The following CSMD1 variants were observed in gnomAD, a reference collection of about 807,000 sequenced individuals.
CSMD1 encodes CUB and sushi domain-containing protein 1.
In CSMD1, 213 loss-of-function variants were observed where a neutral mutation model predicts 417.5. The observed-to-expected ratio is 0.51, with a 90% CI of 0.46 to 0.57. The LOEUF is 0.57. CSMD1 is among the 20% of genes least tolerant of loss of function. CSMD1 has a pLI of 0.00. For missense variants in CSMD1, 6,923 were observed against 4,529.7 expected (o/e 1.53, Z -15.17); for synonymous variants, 2,862 against 1,736.8 (o/e 1.65, Z -16.11).
intron 6 of CSMD1, among the ~76,000 whole-genome samples, chr8:3,722,485 T>C (rs1802241416): frequency 6.6e-6 from 1 of 152,146 alleles, no homozygotes; most frequent in Admixed American, 6.5e-5. Context: ...CTGAAACCAT[T>C]CTCTCCTGAA....
chr8:3,308,825 G>C (rs1292163381), intron 23 of CSMD1, among the ~76,000 whole-genome samples: 2 of 144,472 alleles, frequency 1.4e-5, no homozygotes, highest in Non-Finnish European at 3.0e-5. Context: ...CCAGGTTCAA[G>C]TGATTCTCCT....
In CSMD1 at chr8:3,125,370, C is replaced by T. The variant is rs115594968; in HGVS notation, c.6242-6783G>A. ...CAATCTGCTGTCAGAACCCTCATCA[C>T]GCATGGCCTTCTTGCTCTGTACCCA... On this transcript the variant is annotated intron_variant, in intron 41 of 69. Coordinates refer to ENST00000635120, the MANE Select transcript of CSMD1 (RefSeq NM_033225.6). Among the ~76,000 whole-genome samples the T allele has an allele frequency of 7.8e-3, 1,181 of 152,348 alleles. 15 individuals are homozygous for T. The highest frequency in any genetic ancestry group is 0.026 in the African/African-American group (1,095 of 41,590).
intron 26 of CSMD1, among the ~76,000 whole-genome samples, chr8:3,244,254 A>G (rs750544174): frequency 6.6e-6 from 1 of 152,066 alleles, no homozygotes; most frequent in African/African-American, 2.4e-5. Context: ...CTTTTCCTGT[A>G]TTTTGGAGGG....
intron 3 of CSMD1, among the ~76,000 whole-genome samples, chr8:4,197,860 C>A (rs191553009): frequency 1.3e-5 from 2 of 152,130 alleles, no homozygotes; most frequent in Non-Finnish European, 2.9e-5. Flanking sequence ...GCCTGGGCAA[C>A]AGAGTAAGAC....
intron 5 of CSMD1, among the ~76,000 whole-genome samples, chr8:3,907,614 C>G (rs527375418): frequency 2.0e-5 from 3 of 152,136 alleles, no homozygotes; most frequent in Non-Finnish European, 2.9e-5. Flanking sequence ...AAAAACAAGC[C>G]TAAGTTCAGG....
intron 3 of CSMD1, among the ~76,000 whole-genome samples, chr8:4,192,857 T>C (rs1799110916): frequency 6.6e-6 from 1 of 152,226 alleles, no homozygotes; most frequent in Non-Finnish European, 1.5e-5. Context: ...CTCATGTTCC[T>C]GTATTCTGTC....
At chr8:3,397,055 A>G (rs1410867908) in intron 16 of CSMD1, among the ~76,000 whole-genome samples, 2 of 152,020 alleles carry the variant, frequency 1.3e-5, no homozygotes, top group Non-Finnish European at 2.9e-5. Context: ...CTAGCCTGAG[A>G]TTTTATATAT....
intron 5 of CSMD1, among the ~76,000 whole-genome samples, chr8:3,901,921 A>G (rs1366075127): frequency 6.6e-6 from 1 of 152,198 alleles, no homozygotes; most frequent in East Asian, 1.9e-4. Context: ...ATGATGTGTG[A>G]CTATGAACAA....
chr8:4,017,368 C>T (rs529307603), intron 4 of CSMD1, among the ~76,000 whole-genome samples: 6 of 152,174 alleles, frequency 3.9e-5, no homozygotes, highest in African/African-American at 7.2e-5. Flanking sequence ...TGCAATGGTG[C>T]GATCTTGGCT....
chr8:4,847,237 C>A (rs532606645), intron 1 of CSMD1, among the ~76,000 whole-genome samples: 1 of 151,944 alleles, frequency 6.6e-6, no homozygotes, highest in African/African-American at 2.4e-5. Context: ...AGTAATAATG[C>A]GTTTGATGAT....
intron 9 of CSMD1, among the ~76,000 whole-genome samples, chr8:3,575,707 A>C (rs1226579418): frequency 8.5e-6 from 1 of 117,472 alleles, no homozygotes; most frequent in East Asian, 2.2e-4. Flanking sequence ...GAAAATAGGA[A>C]TGGTGACTTT....
intron 21 of CSMD1, among the ~76,000 whole-genome samples, chr8:3,348,694 G>C (rs1273117641): frequency 6.6e-6 from 1 of 152,188 alleles, no homozygotes; most frequent in Non-Finnish European, 1.5e-5. Context: ...TCAGCATTAT[G>C]TCTTATAATG....
At chr8:4,958,269 G>C (rs1337283728) in intron 1 of CSMD1, among the ~76,000 whole-genome samples, 2 of 152,114 alleles carry the variant, frequency 1.3e-5, no homozygotes, top group African/African-American at 4.8e-5. Flanking sequence ...CAGGTTCAAT[G>C]AAAGTGCACA....
rs894630014 is a variant in CSMD1 at position 3,398,033 on chromosome 8, T to C, written c.2405+1358A>G. On this transcript the variant is annotated intron_variant, in intron 16 of 69. Coordinates refer to ENST00000635120, the MANE Select transcript of CSMD1 (RefSeq NM_033225.6). Reference sequence around the variant, plus strand: ...ATATCGGGTATTTCCAAATGGAATTTAGCAAAACATCACACTGAAACAATA... The same window carrying C: ...ATATCGGGTATTTCCAAATGGAATTCAGCAAAACATCACACTGAAACAATA... Among the ~76,000 whole-genome samples, 15 of 152,320 alleles carry C rather than the reference T, an allele frequency of 9.8e-5. 1 individual carries two copies. In the South Asian group the frequency reaches 2.1e-3, roughly 21 times the overall value.
chr8:3,846,646 T>G (rs959290813), intron 5 of CSMD1, among the ~76,000 whole-genome samples: 2 of 152,172 alleles, frequency 1.3e-5, no homozygotes, highest in African/African-American at 2.4e-5. Flanking sequence ...TTCTTTAGCC[T>G]AAGGATTTAT....
At chr8:4,219,958 C>G (rs948962735) in intron 3 of CSMD1, among the ~76,000 whole-genome samples, 1 of 151,212 alleles carries the variant, frequency 6.6e-6, no homozygotes, top group South Asian at 2.1e-4. Context: ...TTTTTTAATG[C>G]TTTTTTTTTG....
At chr8:4,778,128 G>A (rs1796964107) in intron 1 of CSMD1, among the ~76,000 whole-genome samples, 1 of 152,168 alleles carries the variant, frequency 6.6e-6, no homozygotes, top group South Asian at 2.1e-4. Flanking sequence ...TACAGTTTAT[G>A]TATAAATTAA....
intron 54 of CSMD1, among the ~76,000 whole-genome samples, chr8:2,983,390 A>G (rs1805592839): frequency 6.6e-6 from 1 of 151,994 alleles, no homozygotes; most frequent in Admixed American, 6.6e-5. Context: ...GTTTCACTGT[A>G]TTAGCCAGGA....
At chr8:3,347,436 C>G (rs1438603999) in intron 22 of CSMD1, among the ~76,000 whole-genome samples, 1 of 152,238 alleles carries the variant, frequency 6.6e-6, no homozygotes. Context: ...CTGTCTTGTC[C>G]TGGCTTGGCT....
Sources: gnomAD v4.1 joint callset for allele counts (sites outside exome capture counted in the v4.1 genomes callset) on GRCh38, gnomAD v4.1.1 for gene constraint, MANE v1.5 for transcripts, NCBI Gene and HGNC (gene_info 2026-07-23, HGNC 2026-07-21) for gene names.